C1orf105: variants seen among roughly 807,000 people sequenced by gnomAD.
The protein encoded by C1orf105 is chromosome 1 open reading frame 105.
In C1orf105, 17 loss-of-function variants were observed where a neutral mutation model predicts 20.8. That is an observed-to-expected ratio of 0.82 (90% CI 0.56 to 1.23). The LOEUF (loss-of-function observed/expected upper bound fraction) is 1.23, where lower values mean the gene tolerates loss of function less well. Among genes scored for constraint, C1orf105 ranks in the 50% most tolerant of loss-of-function variants. C1orf105 has a pLI of 0.00. For missense variants in C1orf105, 219 were observed against 213.5 expected (o/e 1.03, Z -0.16); for synonymous variants, 72 against 72.1 (o/e 1.00, Z 0.01).
At chr1:172,457,268 G>A (rs1282496620) in intron 4 of C1orf105, among the ~76,000 whole-genome samples, 5 of 152,174 alleles carry the variant, frequency 3.3e-5, no homozygotes, top group Non-Finnish European at 4.4e-5. Context: ...TTTGAGGTAC[G>A]AGCTGGAGAA....
chr1:172,462,285 G>T lies in C1orf105; in HGVS notation c.341+40G>T, dbSNP rs764816984. 1.2e-5 allele frequency: 17 copies of T among 1,459,460 alleles called. No homozygotes were observed. The South Asian group carries it at 1.6e-4, about 14-fold the overall frequency. 90.4% of individuals were successfully genotyped at this position (1,459,460 alleles called of 1,614,324 possible). A position where few individuals can be genotyped will look rare whatever the true frequency, so the allele number is the denominator to read the frequency against. On this transcript the variant is annotated intron_variant, in intron 5 of 6. Coordinates refer to ENST00000367727, the MANE Select transcript of C1orf105 (RefSeq NM_139240.4). ...TAAATCAGGACATGACTTAATTCTT[G>T]TTATGTCTGAGGACACAGGAGAGTG...
intron 1 of C1orf105, chr1:172,430,422 A>T: frequency 1.6e-6 from 1 of 613,570 alleles, no homozygotes. Flanking sequence ...TGAATTTTTA[A>T]TTTGCAATTT....
chr1:172,465,037 G>T (rs1442565450), intron 5 of C1orf105, among the ~76,000 whole-genome samples: 1 of 151,992 alleles, frequency 6.6e-6, no homozygotes, highest in Non-Finnish European at 1.5e-5. Flanking sequence ...ACTAAAATTA[G>T]CCAGGTGTGG....
chr1:172,461,079 C>A (rs556592466), intron 4 of C1orf105, among the ~76,000 whole-genome samples: 1 of 152,340 alleles, frequency 6.6e-6, no homozygotes, highest in East Asian at 1.9e-4. Context: ...CTGGCACATT[C>A]TCAGCCACTT....
At chr1:172,426,937 C>T (rs2071738911) in intron 1 of C1orf105, among the ~76,000 whole-genome samples, 1 of 152,190 alleles carries the variant, frequency 6.6e-6, no homozygotes, top group African/African-American at 2.4e-5. Context: ...CTGGTTTGCA[C>T]CCATGTAACT....
chr1:172,438,404 T>C (rs891725162), intron 1 of C1orf105, among the ~76,000 whole-genome samples: 1 of 152,200 alleles, frequency 6.6e-6, no homozygotes, highest in Non-Finnish European at 1.5e-5. Context: ...CCTCATGAAT[T>C]ACTCTGAGAG....
chr1:172,454,736 C>G (rs1366816233), intron 3 of C1orf105, among the ~76,000 whole-genome samples: 1 of 151,954 alleles, frequency 6.6e-6, no homozygotes, highest in Non-Finnish European at 1.5e-5. Context: ...ACCCTTCCCT[C>G]TCTGCCCCAC....
intron 1 of C1orf105, among the ~76,000 whole-genome samples, chr1:172,437,819 A>C (rs2149165748): frequency 6.6e-6 from 1 of 152,064 alleles, no homozygotes; most frequent in South Asian, 2.1e-4. Flanking sequence ...ACACTCAACA[A>C]TAGATATTCA....
At chr1:172,457,320 T>G (rs1649349902) in intron 4 of C1orf105, among the ~76,000 whole-genome samples, 1 of 152,100 alleles carries the variant, frequency 6.6e-6, no homozygotes, top group African/African-American at 2.4e-5. Flanking sequence ...TCCTTTGACT[T>G]GGGGAGGAAG....
intron 4 of C1orf105, among the ~76,000 whole-genome samples, chr1:172,457,689 C>A (rs1339273705): frequency 6.6e-6 from 1 of 152,228 alleles, no homozygotes; most frequent in Non-Finnish European, 1.5e-5. Flanking sequence ...TGGCCTTGGC[C>A]AGCTGGCACA....
At chr1:172,458,122 A>G (rs1031695771) in intron 4 of C1orf105, among the ~76,000 whole-genome samples, 1 of 152,204 alleles carries the variant, frequency 6.6e-6, no homozygotes, top group African/African-American at 2.4e-5. Flanking sequence ...CTAACACCCT[A>G]CTTAATGGTA....
chr1:172,429,815 G>A (rs986216387), intron 1 of C1orf105, among the ~76,000 whole-genome samples: 2 of 152,054 alleles, frequency 1.3e-5, no homozygotes, highest in African/African-American at 4.8e-5. Flanking sequence ...GCTGCATCAC[G>A]CCACAAAATA....
intron 1 of C1orf105, among the ~76,000 whole-genome samples, chr1:172,437,778 A>T (rs2149165721): frequency 6.6e-6 from 1 of 151,044 alleles, no homozygotes; most frequent in East Asian, 1.9e-4. Flanking sequence ...ATTTATTTCT[A>T]CTAGAAAAAA....
In C1orf105 at chr1:172,468,731, C is replaced by A; in HGVS notation, c.*137C>A. The A allele has an allele frequency of 2.2e-6, 2 of 924,726 alleles. No homozygotes were observed. Among genetic ancestry groups the A allele is most frequent in the Non-Finnish European group, 3.2e-6 (2 of 616,442 alleles). 57.3% of individuals were successfully genotyped at this position (924,726 alleles called of 1,614,324 possible). A position where few individuals can be genotyped will look rare whatever the true frequency, so the allele number is the denominator to read the frequency against. ...ATTTAATTTTGCCTTCCTAAGATTG[C>A]TGGTATTCTAGCTCTTACCTCTATG... On this transcript the variant is annotated 3_prime_UTR_variant, in exon 7 of 7. Coordinates refer to ENST00000367727, the MANE Select transcript of C1orf105 (RefSeq NM_139240.4).
intron 1 of C1orf105, chr1:172,430,450 ATTTATT>A: frequency 3.4e-6 from 2 of 595,324 alleles, no homozygotes; most frequent in South Asian, 2.1e-5. Flanking sequence ...ACCTTTTTTT[ATTTATT>A]TTTGAGACAG....
At chr1:172,449,237 T>C (rs1648343244) in intron 3 of C1orf105, among the ~76,000 whole-genome samples, 1 of 152,144 alleles carries the variant, frequency 6.6e-6, no homozygotes, top group Non-Finnish European at 1.5e-5. Flanking sequence ...CGGAGGCCTT[T>C]GTATTTGCTT....
intron 6 of C1orf105, chr1:172,465,585 T>C (rs753967495): frequency 2.6e-5 from 17 of 659,448 alleles, no homozygotes; most frequent in Non-Finnish European, 4.5e-5. Context: ...CTTGCCCTTA[T>C]ACATGTCATG....
intron 1 of C1orf105, among the ~76,000 whole-genome samples, chr1:172,434,992 T>C (rs568954046): frequency 6.6e-6 from 1 of 152,044 alleles, no homozygotes; most frequent in South Asian, 2.1e-4. Flanking sequence ...AACTAGAAAA[T>C]CTAGAAGAAA....
Position 172,448,468 on chromosome 1 carries a change from G to A in C1orf105, c.135G>A (p.Leu45=), listed in dbSNP as rs761885038. 17 of 1,613,178 alleles carry A rather than the reference G, an allele frequency of 1.1e-5. No individual in the cohort carries two copies. Among genetic ancestry groups the A allele is most frequent in the South Asian group, 4.4e-5 (4 of 91,016 alleles). ...RRYPHTSATF[L]TSSKKNMNLP... ...ATCCTCATACCTCTGCGACTTTTCT[G>A]ACTTCATCCAAGAAGAATATGAATT... The change falls in exon 3 of 7, where the codon CTG becomes CTA. Residue 45 remains leucine, a synonymous_variant. Transcript: ENST00000367727.
Sources: gnomAD v4.1 joint callset for allele counts (sites outside exome capture counted in the v4.1 genomes callset) on GRCh38, gnomAD v4.1.1 for gene constraint, MANE v1.5 for transcripts, NCBI Gene and HGNC (gene_info 2026-07-23, HGNC 2026-07-21) for gene names.